STEAP1B: variants seen among roughly 807,000 people sequenced by gnomAD.
STEAP1B encodes STEAP family member 1B.
In STEAP1B, 13 loss-of-function variants were observed where a neutral mutation model predicts 27.9. The ratio of observed to expected loss-of-function variants is 0.47; its 90% CI spans 0.30 to 0.74. STEAP1B has a LOEUF of 0.74. Among genes scored for constraint, STEAP1B ranks in the 30% least tolerant of loss-of-function variants. The pLI, the probability that STEAP1B is intolerant of heterozygous loss-of-function variation, is 0.06. For synonymous variants in STEAP1B, 86 were observed against 107.1 expected (o/e 0.80, Z 1.22); for missense variants, 250 against 298.7 (o/e 0.84, Z 1.20).
intron 4 of STEAP1B, among the ~76,000 whole-genome samples, chr7:22,461,679 A>G (rs1237914111): frequency 6.6e-6 from 1 of 152,130 alleles, no homozygotes; most frequent in Non-Finnish European, 1.5e-5. Context: ...ATTGGATTAC[A>G]CCATGTGCTC....
intron 4 of STEAP1B, among the ~76,000 whole-genome samples, chr7:22,477,365 C>G (rs938328793): frequency 3.3e-5 from 5 of 152,152 alleles, no homozygotes; most frequent in African/African-American, 1.2e-4. Flanking sequence ...ACTCTTTCCC[C>G]CTCCAGATGG....
At chr7:22,426,800 A>G (rs1785113168) in intron 4 of STEAP1B, among the ~76,000 whole-genome samples, 1 of 152,232 alleles carries the variant, frequency 6.6e-6, no homozygotes, top group Non-Finnish European at 1.5e-5. Context: ...TGGAAGACAG[A>G]CAAGAAGCAA....
chr7:22,471,803 A>C (rs1395856907), intron 4 of STEAP1B, among the ~76,000 whole-genome samples: 1 of 151,018 alleles, frequency 6.6e-6, no homozygotes, highest in Non-Finnish European at 1.5e-5. Flanking sequence ...CTCAGGAAGC[A>C]TAGGCAGGAG....
chr7:22,443,219 CCAA>C (rs914714116), intron 4 of STEAP1B, among the ~76,000 whole-genome samples: 8 of 152,164 alleles, frequency 5.3e-5, no homozygotes, highest in Non-Finnish European at 1.2e-4. Flanking sequence ...GACATGCTTC[CCAA>C]CAACAAGAAA....
intron 4 of STEAP1B, among the ~76,000 whole-genome samples, chr7:22,482,133 G>A (rs1786086656): frequency 6.6e-6 from 1 of 152,146 alleles, no homozygotes; most frequent in African/African-American, 2.4e-5. Flanking sequence ...ATCTCACCAA[G>A]TAGCTTTGAA....
chr7:22,489,651 A>C (rs1191383683), intron 4 of STEAP1B, among the ~76,000 whole-genome samples: 1 of 152,214 alleles, frequency 6.6e-6, no homozygotes, highest in African/African-American at 2.4e-5. Context: ...GCTGCATTGC[A>C]TCTAGGAATG....
At chr7:22,475,895 C>T (rs1160983140) in intron 4 of STEAP1B, among the ~76,000 whole-genome samples, 1 of 152,218 alleles carries the variant, frequency 6.6e-6, no homozygotes, top group Non-Finnish European at 1.5e-5. Flanking sequence ...AAACTGTCTG[C>T]CTTTTTTAAG....
intron 4 of STEAP1B, among the ~76,000 whole-genome samples, chr7:22,470,314 G>C (rs971224612): frequency 3.3e-5 from 5 of 152,150 alleles, no homozygotes; most frequent in African/African-American, 1.2e-4. Flanking sequence ...GTTGACTTGA[G>C]GGGGCAAAAA....
At chr7:22,422,994 T>A (rs1289276686) in intron 4 of STEAP1B, among the ~76,000 whole-genome samples, 2 of 152,318 alleles carry the variant, frequency 1.3e-5, no homozygotes, top group East Asian at 3.9e-4. Flanking sequence ...TAAATATGAA[T>A]TTGATACAAT....
chr7:22,457,975 C>G (rs1476711784), intron 4 of STEAP1B, among the ~76,000 whole-genome samples: 1 of 152,206 alleles, frequency 6.6e-6, no homozygotes, highest in African/African-American at 2.4e-5. Flanking sequence ...ATTTCCCATC[C>G]CAGCCAAACT....
intron 4 of STEAP1B, among the ~76,000 whole-genome samples, chr7:22,470,005 C>CAATTT (rs1785853688): frequency 6.6e-6 from 1 of 152,232 alleles, no homozygotes; most frequent in South Asian, 2.1e-4. Flanking sequence ...TGTGCATAGA[C>CAATTT]ATAAATTATT....
intron 4 of STEAP1B, among the ~76,000 whole-genome samples, chr7:22,448,954 G>GT (rs1160587925): frequency 6.6e-6 from 1 of 152,142 alleles, no homozygotes; most frequent in African/African-American, 2.4e-5. Context: ...TAGGGACTAG[G>GT]TAAGGTAAGA....
At chr7:22,445,974 T>G (rs1785404194) in intron 4 of STEAP1B, among the ~76,000 whole-genome samples, 1 of 152,234 alleles carries the variant, frequency 6.6e-6, no homozygotes, top group African/African-American at 2.4e-5. Flanking sequence ...AATAAATATT[T>G]CTTCTTTGGG....
chr7:22,468,277 T>C (rs1785820478), intron 4 of STEAP1B, among the ~76,000 whole-genome samples: 1 of 152,182 alleles, frequency 6.6e-6, no homozygotes, highest in Non-Finnish European at 1.5e-5. Flanking sequence ...TTACACATAT[T>C]GATTCATTTA....
intron 1 of STEAP1B, 103 bp from the exon 2 acceptor site, chr7:22,494,989 G>A: frequency 1.8e-6 from 1 of 541,338 alleles, no homozygotes; most frequent in East Asian, 3.3e-5. Context: ...TAGAATGGCA[G>A]ATAAAGTACA....
intron 4 of STEAP1B, among the ~76,000 whole-genome samples, chr7:22,465,650 T>C (rs1295362223): frequency 6.6e-6 from 1 of 152,082 alleles, no homozygotes; most frequent in African/African-American, 2.4e-5. Flanking sequence ...CCTATTAACC[T>C]CAATAGGGAA....
At chr7:22,426,170 C>T (rs1331270831) in intron 4 of STEAP1B, among the ~76,000 whole-genome samples, 1 of 141,168 alleles carries the variant, frequency 7.1e-6, no homozygotes, top group African/African-American at 2.6e-5. Flanking sequence ...TAAGTCAATC[C>T]TTTTGTCTCC....
At chr7:22,471,338 G>A (rs993758641) in intron 4 of STEAP1B, among the ~76,000 whole-genome samples, 1 of 152,140 alleles carries the variant, frequency 6.6e-6, no homozygotes, top group African/African-American at 2.4e-5. Flanking sequence ...AGGGTCCCCC[G>A]TTTCCTCATT....
At chr7:22,430,711 AG>A (rs1313977018) in intron 4 of STEAP1B, among the ~76,000 whole-genome samples, 1 of 152,230 alleles carries the variant, frequency 6.6e-6, no homozygotes, top group Non-Finnish European at 1.5e-5. Flanking sequence ...AGGAATGTGA[AG>A]AAAGCTGTTT....
Sources: allele counts gnomAD v4.1 joint callset (sites outside exome capture counted in the v4.1 genomes callset), GRCh38; gene constraint gnomAD v4.1.1; transcripts MANE v1.5; gene names NCBI Gene and HGNC (gene_info 2026-07-23, HGNC 2026-07-21).